IMMP2L: variants seen among roughly 807,000 people sequenced by gnomAD.
IMMP2L encodes inner mitochondrial membrane peptidase subunit 2.
In IMMP2L, 18 loss-of-function variants were observed where a neutral mutation model predicts 19.3. The ratio of observed to expected loss-of-function variants is 0.93; its 90% CI spans 0.64 to 1.38. The LOEUF (loss-of-function observed/expected upper bound fraction) is 1.38. Among genes scored for constraint, IMMP2L ranks in the 40% most tolerant of loss-of-function variants. IMMP2L has a pLI of 0.00. For synonymous variants in IMMP2L, 76 were observed against 73.0 expected, an observed-to-expected ratio of 1.04 and a Z score of -0.21; for missense variants, 233 against 218.2, an observed-to-expected ratio of 1.07 and a Z score of -0.43.
chr7:110,752,182 T>C (rs376899856), intron 5 of IMMP2L, among the ~76,000 whole-genome samples: 16 of 152,054 alleles, frequency 1.1e-4, no homozygotes, highest in African/African-American at 3.6e-4. Flanking sequence ...TTTAGTGCTA[T>C]AGAAACGGTC....
At chr7:110,689,834 G>T (rs758342169) in intron 5 of IMMP2L, among the ~76,000 whole-genome samples, 1 of 152,082 alleles carries the variant, frequency 6.6e-6, no homozygotes, top group Non-Finnish European at 1.5e-5. Context: ...TAGCAGATTT[G>T]TACTTATTTT....
chr7:110,802,241 A>C (rs2084968259), intron 5 of IMMP2L, among the ~76,000 whole-genome samples: 1 of 151,890 alleles, frequency 6.6e-6, no homozygotes, highest in Non-Finnish European at 1.5e-5. Flanking sequence ...TTTTCATGAA[A>C]TTAGAGGTCC....
At chr7:111,510,846 T>C (rs936337120) in intron 2 of IMMP2L, among the ~76,000 whole-genome samples, 2 of 152,136 alleles carry the variant, frequency 1.3e-5, no homozygotes, top group African/African-American at 4.8e-5. Context: ...CCACATACCG[T>C]GCTTTACCTT....
intron 3 of IMMP2L, among the ~76,000 whole-genome samples, chr7:111,000,382 C>T (rs1379565945): frequency 6.6e-6 from 1 of 152,026 alleles, no homozygotes; most frequent in East Asian, 1.9e-4. Flanking sequence ...ATGATAACAC[C>T]CCTTGCTTTC....
At chr7:111,089,241 T>G (rs1306087566) in intron 3 of IMMP2L, among the ~76,000 whole-genome samples, 1 of 152,118 alleles carries the variant, frequency 6.6e-6, no homozygotes, top group Non-Finnish European at 1.5e-5. Context: ...ATGACTGCAG[T>G]TTCATTTAAA....
intron 3 of IMMP2L, among the ~76,000 whole-genome samples, chr7:111,454,552 C>A (rs1839515648): frequency 6.6e-6 from 1 of 151,872 alleles, no homozygotes; most frequent in Non-Finnish European, 1.5e-5. Flanking sequence ...TAGCTAATTT[C>A]ATTAATATTT....
At chr7:110,950,113 TA>T (rs1563104870) in intron 4 of IMMP2L, among the ~76,000 whole-genome samples, 5 of 152,182 alleles carry the variant, frequency 3.3e-5, no homozygotes, top group Non-Finnish European at 1.5e-5. Context: ...CTTTTTAATC[TA>T]ATCAACTTTG....
intron 3 of IMMP2L, among the ~76,000 whole-genome samples, chr7:111,003,937 T>C (rs762756860): frequency 6.6e-6 from 1 of 152,218 alleles, no homozygotes; most frequent in Non-Finnish European, 1.5e-5. Flanking sequence ...AACAGACAGA[T>C]ATACCACTTT....
intron 5 of IMMP2L, among the ~76,000 whole-genome samples, chr7:110,834,583 T>C (rs944846488): frequency 2.0e-5 from 3 of 152,118 alleles, no homozygotes; most frequent in Non-Finnish European, 4.4e-5. Flanking sequence ...TACCTCACCA[T>C]TATACCATCT....
At chr7:110,714,139 G>A (rs1474048122) in intron 5 of IMMP2L, among the ~76,000 whole-genome samples, 1 of 152,184 alleles carries the variant, frequency 6.6e-6, no homozygotes, top group Non-Finnish European at 1.5e-5. Flanking sequence ...CTCATGAAGA[G>A]ATGTTGGATT....
At chr7:111,561,655 T>C (rs974863064) in intron 1 of IMMP2L, among the ~76,000 whole-genome samples, 196 bp downstream of exon 1, 1 of 152,096 alleles carries the variant, frequency 6.6e-6, no homozygotes, top group African/African-American at 2.4e-5. Context: ...TTAAACTCTA[T>C]AGACTGTGTG....
chr7:110,962,442 T>C (rs1819051292), intron 4 of IMMP2L: 1 of 20,390 alleles, frequency 4.9e-5, no homozygotes. Context: ...AAATAATGAT[T>C]TTTTTTTTTT....
At chr7:110,693,199 ACTT>A in intron 5 of IMMP2L, among the ~76,000 whole-genome samples, 1 of 152,344 alleles carries the variant, frequency 6.6e-6, no homozygotes, top group South Asian at 2.1e-4. Flanking sequence ...TAAATTGTCT[ACTT>A]CTTAAGAAGG....
chr7:111,342,359 C>T (rs995669323), intron 3 of IMMP2L, among the ~76,000 whole-genome samples: 1 of 152,048 alleles, frequency 6.6e-6, no homozygotes, highest in East Asian at 1.9e-4. Context: ...CTTGGGAGGC[C>T]GAGGTGAGCA....
chr7:111,420,538 T>C (rs1319683849), intron 3 of IMMP2L, among the ~76,000 whole-genome samples: 2 of 151,570 alleles, frequency 1.3e-5, no homozygotes, highest in African/African-American at 4.9e-5. Flanking sequence ...GTATTTCTCC[T>C]AACGCTATCC....
chr7:111,479,704 T>C (rs1001151692), intron 3 of IMMP2L, among the ~76,000 whole-genome samples: 1 of 151,714 alleles, frequency 6.6e-6, no homozygotes, highest in African/African-American at 2.4e-5. Context: ...TTGTACTTAC[T>C]CATTTTTTTA....
intron 1 of IMMP2L, among the ~76,000 whole-genome samples, chr7:111,530,460 T>C (rs956710255): frequency 5.9e-5 from 9 of 152,182 alleles, no homozygotes; most frequent in Admixed American, 4.6e-4. Context: ...CTCATGCTGT[T>C]CTAAGATTTG....
chr7:111,303,806 T>G lies in IMMP2L; in HGVS notation c.239+183432A>C, dbSNP rs1274466841. 5.3e-5 allele frequency among the ~76,000 whole-genome samples: 8 copies of G among 151,998 alleles called. 1 individual carries two copies. The highest frequency in any genetic ancestry group is 3.9e-4 in the Admixed American group (6 of 15,230). On this transcript the variant is annotated intron_variant, in intron 3 of 5. Transcript: ENST00000405709. ...TAGGGTTCTTCAGGGATTTCATAAA[T>G]GCTTTTTGGTGAGACCTCATCATTT...
chr7:110,902,717 G>A (rs1398494314), intron 4 of IMMP2L, among the ~76,000 whole-genome samples: 1 of 38,960 alleles, frequency 2.6e-5, no homozygotes, highest in Non-Finnish European at 4.3e-5. Context: ...GAGGTCAGGA[G>A]ATCGAGACCA....
Sources: gnomAD v4.1 joint callset for allele counts (sites outside exome capture counted in the v4.1 genomes callset) on GRCh38, gnomAD v4.1.1 for gene constraint, MANE v1.5 for transcripts, NCBI Gene and HGNC (gene_info 2026-07-23, HGNC 2026-07-21) for gene names.